The following NCOA6 variants were observed in gnomAD, a reference collection of about 807,000 sequenced individuals.
NCOA6 encodes NRC RAP250.
In NCOA6, 49 loss-of-function variants were observed where a neutral mutation model predicts 171.4. The observed-to-expected ratio is 0.29, with a 90% CI of 0.23 to 0.36. The LOEUF is 0.36. NCOA6 is among the 10% of genes least tolerant of loss of function. The probability of loss-of-function intolerance (pLI) is 1.00; values close to 1 mark genes in which losing one functional copy is unlikely to be tolerated. For synonymous variants in NCOA6, 910 were observed against 927.5 expected (o/e 0.98, Z 0.34); for missense variants, 2,248 against 2,554.5 (o/e 0.88, Z 2.59).
At chr20:34,819,450 T>C (rs1024001113) in intron 1 of NCOA6, 3 of 152,184 alleles carry the variant, frequency 2.0e-5, no homozygotes, top group South Asian at 2.1e-4. Context: ...AAAATACTTA[T>C]ACAGGTCAAA....
chr20:34,777,116 C>CAAAAAAA (rs1157021055), intron 3 of NCOA6, among the ~76,000 whole-genome samples: 1 of 43,838 alleles, frequency 2.3e-5, no homozygotes, highest in African/African-American at 8.6e-5. Context: ...GACTCCGTCT[C>CAAAAAAA]AAAAAAAAAA....
At chr20:34,744,508 A>G (rs1365374175) in intron 10 of NCOA6, among the ~76,000 whole-genome samples, 1 of 152,174 alleles carries the variant, frequency 6.6e-6, no homozygotes, top group Admixed American at 6.5e-5. Context: ...AGGAATAAGA[A>G]CAACTGGCTC....
rs201823165 is a variant in NCOA6 at position 34,741,629 on chromosome 20, G to T, written c.4627C>A (p.Pro1543Thr). ...TLQDLSSSKE[P>T]SNSLNLPHSN... The stretch of plus-strand genomic sequence containing the variant: ...TGAGGTAAGTTTAGGGAATTAGAAG[G>T]TTCTTTAGAAGAAGACAGATCCTGC... The change falls in exon 11 of 15, where the codon CCT (proline) becomes ACT (threonine). Residue 1543 changes from proline to threonine, a missense_variant. Physicochemically the swap from Pro to Thr is conservative, Grantham distance 38. Coordinates refer to ENST00000359003, the MANE Select transcript of NCOA6 (RefSeq NM_014071.5). The T allele has an allele frequency of 4.9e-5, 79 of 1,614,202 alleles. No individual in the cohort carries two copies. The Admixed American group carries it at 1.3e-3, about 26-fold the overall frequency.
In NCOA6 at chr20:34,743,107, A is replaced by T; in HGVS notation, c.3149T>A (p.Val1050Asp). 6.2e-7 allele frequency: 1 copy of T among 1,613,300 alleles called. No homozygotes were observed. Among genetic ancestry groups the T allele is most frequent in the Non-Finnish European group, 8.5e-7 (1 of 1,179,428 alleles). Reference protein sequence around the residue: ...QQDPKSVRLPVSQNVHPPRGP... With the variant: ...QQDPKSVRLPDSQNVHPPRGP... ...CCTTGGAGGATGGACATTTTGAGAG[A>T]CTGGAAGCCTAACTGATTTGGGATC... The change falls in exon 11 of 15, where the codon GTC (valine) becomes GAC (aspartate). Residue 1050 changes from valine (V) to aspartate (D), a missense_variant. Val to Asp is a radical substitution (Grantham distance 152, BLOSUM62 -3). Coordinates refer to ENST00000359003, the MANE Select transcript of NCOA6 (RefSeq NM_014071.5).
chr20:34,749,867 A>T lies in NCOA6; in HGVS notation c.2328T>A (p.Ser776Arg). Residue 776 changes from serine (S) to arginine (R), a missense_variant, in exon 9 of 15, where the codon AGT (serine) becomes AGA (arginine). Physicochemically the swap from Ser to Arg is moderately radical, Grantham distance 110. Transcript: ENST00000359003. The stretch of plus-strand genomic sequence containing the variant: ...CCTGAATGCCCATAACCTGAGATGG[A>T]CTGTTGTTCACAGGCCCTTGCTGGG... The part of the protein sequence containing the change: ...MLPQQGPVNN[S>R]PSQVMGIQGQ... The T allele has an allele frequency of 6.2e-7, 1 of 1,614,192 alleles. No homozygotes were observed. The highest frequency in any genetic ancestry group is 8.5e-7 in the Non-Finnish European group (1 of 1,180,036).
At chr20:34,822,918 G>T (rs1045607568) in intron 1 of NCOA6, among the ~76,000 whole-genome samples, 1 of 152,120 alleles carries the variant, frequency 6.6e-6, no homozygotes, top group African/African-American at 2.4e-5. Flanking sequence ...TAGCAGTTCT[G>T]TGACTCTGTA....
intron 1 of NCOA6, among the ~76,000 whole-genome samples, chr20:34,810,849 G>A (rs1167345053): frequency 6.6e-6 from 1 of 152,022 alleles, no homozygotes; most frequent in Non-Finnish European, 1.5e-5. Context: ...CGGACTCTGT[G>A]CAACCATTTC....
intron 12 of NCOA6, 71 bp downstream of exon 12, chr20:34,736,619 T>A (rs902662359): frequency 7.8e-7 from 1 of 1,284,544 alleles, no homozygotes; most frequent in African/African-American, 1.5e-5. Context: ...ACACACGACA[T>A]TGAGGACAGC....
intron 3 of NCOA6, among the ~76,000 whole-genome samples, chr20:34,777,849 C>T (rs538898303): frequency 2.6e-5 from 4 of 152,246 alleles, no homozygotes; most frequent in Admixed American, 2.6e-4. Context: ...ATGGAAGCAA[C>T]CCAATGTCTA....
intron 6 of NCOA6, among the ~76,000 whole-genome samples, chr20:34,758,333 G>A (rs1405286649): frequency 6.6e-6 from 1 of 152,140 alleles, no homozygotes; most frequent in South Asian, 2.1e-4. Context: ...AAAACATGGA[G>A]ACCAGTATTT....
chr20:34,778,954 G>A (rs1473558700), intron 3 of NCOA6, among the ~76,000 whole-genome samples: 3 of 82,306 alleles, frequency 3.6e-5, no homozygotes, highest in Admixed American at 3.0e-4. Context: ...GCAAGACTCC[G>A]TTTCAAAAAA....
In NCOA6 at chr20:34,806,415, C is replaced by A. The variant is rs78801332; in HGVS notation, c.-163-13852G>T. Among the ~76,000 whole-genome samples the A allele has an allele frequency of 2.5e-3, 383 of 152,278 alleles. 1 individual carries two copies. The highest frequency in any genetic ancestry group is 8.7e-3 in the African/African-American group (360 of 41,572). On this transcript the variant is annotated intron_variant, in intron 1 of 14. Transcript: ENST00000359003. ...AGAAGCTTTCTTAACTGGATATAAT[C>A]CTATTTGCCAGCTTTTGTTTTTGTT...
Position 34,741,786 on chromosome 20 carries a change from C to T in NCOA6, c.4470G>A (p.Ser1490=), listed in dbSNP as rs771881293. The T allele has an allele frequency of 2.8e-5, 45 of 1,614,008 alleles. No individual in the cohort carries two copies. Among genetic ancestry groups the T allele is most frequent in the Non-Finnish European group, 3.5e-5 (41 of 1,180,046 alleles). Residue 1490 remains serine, a synonymous_variant, in exon 11 of 15, where the codon TCG becomes TCA. Transcript: ENST00000359003. The part of the protein sequence containing the change: ...VSPAMREAPT[S]LSQLLDNSGA... The stretch of plus-strand genomic sequence containing the variant: ...CAGAGTTGTCAAGAAGTTGACTTAA[C>T]GATGTTGGTGCTTCCCTCATAGCAG...
At position 34,742,011 on chromosome 20, in the gene NCOA6, G is replaced by A. The variant is rs1208710086; in HGVS notation, c.4245C>T (p.Asn1415=). The part of the protein sequence containing the change: ...VAAVGGVVED[N]KESLNVPQDS... ...CCTGAGGCACATTCAAGCTCTCCTT[G>A]TTATCCTCAACAACACCCCCAACTG... Residue 1415 remains asparagine, a synonymous_variant, in exon 11 of 15, where the codon AAC becomes AAT. Coordinates refer to ENST00000359003, the MANE Select transcript of NCOA6 (RefSeq NM_014071.5). 2 of 1,614,010 alleles carry A rather than the reference G, an allele frequency of 1.2e-6. No individual in the cohort carries two copies. The highest frequency in any genetic ancestry group is 1.7e-6 in the Non-Finnish European group (2 of 1,180,036).
chr20:34,792,969 G>C (rs2077941947), intron 1 of NCOA6, among the ~76,000 whole-genome samples: 2 of 151,800 alleles, frequency 1.3e-5, no homozygotes, highest in Non-Finnish European at 2.9e-5. Context: ...TTTTGGTAGA[G>C]ATGGGGTTTC....
intron 1 of NCOA6, among the ~76,000 whole-genome samples, chr20:34,811,201 G>GTGTATATATATA (rs1555858015): frequency 3.7e-5 from 2 of 53,840 alleles, no homozygotes; most frequent in East Asian, 5.4e-4. Flanking sequence ...ACAACAACGT[G>GTGTATATATATA]TATATATATA....
At chr20:34,799,285 T>C (rs2146437205) in intron 1 of NCOA6, among the ~76,000 whole-genome samples, 1 of 152,064 alleles carries the variant, frequency 6.6e-6, no homozygotes, top group East Asian at 1.9e-4. Context: ...TCTTTGAAAA[T>C]ACAAAGTCAG....
intron 4 of NCOA6, among the ~76,000 whole-genome samples, chr20:34,771,251 G>C (rs6060040): frequency 0.85 from 128,774 of 152,106 alleles, 54,694 homozygotes; most frequent in Admixed American, 0.91. Context: ...TCCCAAGTAG[G>C]TGGGACTACA....
At chr20:34,745,472 CT>C (rs759376306) in intron 10 of NCOA6, among the ~76,000 whole-genome samples, 1 of 152,214 alleles carries the variant, frequency 6.6e-6, no homozygotes, top group South Asian at 2.1e-4. Flanking sequence ...CCAGTCTCAG[CT>C]ATGCTGCTGC....
Sources: gnomAD v4.1 joint callset for allele counts (sites outside exome capture counted in the v4.1 genomes callset) on GRCh38, gnomAD v4.1.1 for gene constraint, MANE v1.5 for transcripts, NCBI Gene and HGNC (gene_info 2026-07-23, HGNC 2026-07-21) for gene names.